The following RELN variants were observed in gnomAD, a reference collection of about 807,000 sequenced individuals.
RELN encodes reelin.
RELN carries 108 observed loss-of-function variants against 427.6 expected under a neutral mutation model. The observed-to-expected ratio is 0.25, with a 90% confidence interval of 0.22 to 0.30. The LOEUF (loss-of-function observed/expected upper bound fraction) is 0.30. Ranked by LOEUF, RELN falls within the 10% of genes least tolerant of loss-of-function variation. The pLI is 1.00. For missense variants in RELN, 3,715 were observed against 4,302.8 expected, an observed-to-expected ratio of 0.86 and a Z score of 3.82; for synonymous variants, 1,524 against 1,513.4, an observed-to-expected ratio of 1.01 and a Z score of -0.16.
At chr7:103,685,201 T>A (rs758038855) in intron 10 of RELN, among the ~76,000 whole-genome samples, 2 of 152,162 alleles carry the variant, frequency 1.3e-5, no homozygotes, top group Non-Finnish European at 2.9e-5. Flanking sequence ...GAAACATTCA[T>A]TGAAAGTATG....
At chr7:103,729,768 T>C (rs1256360992) in intron 6 of RELN, among the ~76,000 whole-genome samples, 1 of 152,126 alleles carries the variant, frequency 6.6e-6, no homozygotes, top group East Asian at 1.9e-4. Flanking sequence ...ACTTCATAAA[T>C]ATAACCATTT....
rs1830676219 is a variant in RELN at position 103,563,136 on chromosome 7, CAAT to C, written c.5211-1186_5211-1184del. Among the ~76,000 whole-genome samples, 1 of 152,182 alleles carries C rather than the reference CAAT, an allele frequency of 6.6e-6. No homozygotes were observed. The highest frequency in any genetic ancestry group is 1.5e-5 in the Non-Finnish European group (1 of 68,030). ...AGTTAGGTAGTACCCTCCTGTGTTT[CAAT>C]AATATCTCTGAGTACTTCCTCTGGT... On this transcript the variant is annotated intron_variant, in intron 34 of 64. Coordinates refer to ENST00000428762, the MANE Select transcript of RELN (RefSeq NM_005045.4). The surrounding 1 kb of genome is among the most constrained non-coding windows in gnomAD (Gnocchi z 4.1).
At chr7:103,580,867 T>C (rs929994703) in intron 28 of RELN, among the ~76,000 whole-genome samples, 5 of 152,170 alleles carry the variant, frequency 3.3e-5, no homozygotes, top group Non-Finnish European at 2.9e-5. Context: ...CATTGTATCG[T>C]TGTAGCAATG....
At chr7:103,830,650 T>C (rs148691832) in intron 3 of RELN, among the ~76,000 whole-genome samples, 19 of 152,146 alleles carry the variant, frequency 1.2e-4, no homozygotes, top group African/African-American at 4.1e-4. Context: ...TAATAAATAT[T>C]ACCGTAAAGA....
In RELN at chr7:103,749,235, A is replaced by G. The variant is rs996175227; in HGVS notation, c.656+191T>C. On this transcript the variant is annotated intron_variant, in intron 6 of 64. Coordinates refer to ENST00000428762, the MANE Select transcript of RELN (RefSeq NM_005045.4). The stretch of plus-strand genomic sequence containing the variant: ...ATGGCTTTGAGGAGAACCTGGATTC[A>G]GTTCTTAAAGAAGTCAAGTAATAGA... Among the ~76,000 whole-genome samples the G allele has an allele frequency of 3.1e-4, 47 of 152,210 alleles. 1 individual carries two copies. The highest frequency in any genetic ancestry group is 1.9e-4 in the East Asian group (1 of 5,206).
At chr7:103,556,874 AG>A in intron 38 of RELN, 102 bp downstream of exon 38, 1 of 931,656 alleles carries the variant, frequency 1.1e-6, no homozygotes, top group South Asian at 1.3e-5. Context: ...TGCTGTGGAC[AG>A]CTAAGCTGCT....
At chr7:103,907,792 TA>T (rs1443824500) in intron 2 of RELN, among the ~76,000 whole-genome samples, 251 of 21,050 alleles carry the variant, frequency 0.012, 1 homozygote, top group African/African-American at 0.043. Context: ...AAAAAAAACT[TA>T]TTTTTTTTTA....
chr7:103,603,559 AAC>A lies in RELN; in HGVS notation c.3147-71_3147-70del. ...GCCAATGCAATGGCCCTCTGACCTC[AAC>A]CATTTCCCATGTCTTACTTTTGCTC... On this transcript the variant is annotated intron_variant, in intron 23 of 64. Transcript: ENST00000428762. The surrounding 1 kb of genome is among the most constrained non-coding windows in gnomAD (Gnocchi z 4.3). The A allele has an allele frequency of 8.6e-7, 1 of 1,164,950 alleles. No homozygotes were observed. Among genetic ancestry groups the A allele is most frequent in the Non-Finnish European group, 1.3e-6 (1 of 771,520 alleles). 72.2% of individuals were successfully genotyped at this position (1,164,950 alleles called of 1,614,324 possible).
At chr7:103,703,184 G>A (rs1409559168) in intron 8 of RELN, among the ~76,000 whole-genome samples, 1 of 152,060 alleles carries the variant, frequency 6.6e-6, no homozygotes, top group African/African-American at 2.4e-5. Flanking sequence ...CCAAGAGAGC[G>A]CTCAGCTTTG....
At chr7:103,691,700 C>A (rs1438710532) in intron 10 of RELN, among the ~76,000 whole-genome samples, 1 of 152,054 alleles carries the variant, frequency 6.6e-6, no homozygotes, top group Non-Finnish European at 1.5e-5. Flanking sequence ...GTAGTCCCAA[C>A]TACTCAGGAG....
chr7:103,891,903 G>T (rs571421595), intron 2 of RELN, among the ~76,000 whole-genome samples: 2 of 151,916 alleles, frequency 1.3e-5, no homozygotes, highest in Admixed American at 6.6e-5. Flanking sequence ...TTCTAGACAC[G>T]CTTTCTTCAA....
At chr7:103,744,517 G>A (rs1006076733) in intron 6 of RELN, among the ~76,000 whole-genome samples, 15 of 152,068 alleles carry the variant, frequency 9.9e-5, no homozygotes, top group Admixed American at 9.8e-4. Flanking sequence ...TAGACCACTA[G>A]CAAGACTAAT....
intron 53 of RELN, among the ~76,000 whole-genome samples, chr7:103,500,294 G>A (rs1828982805): frequency 6.6e-6 from 1 of 152,114 alleles, no homozygotes; most frequent in Non-Finnish European, 1.5e-5. Context: ...TCAGAACACA[G>A]AATTTTCTAA....
rs1832665614 is a variant in RELN at position 103,640,020 on chromosome 7, G to GT, written c.2069+522dup. On this transcript the variant is annotated intron_variant, in intron 17 of 64. Transcript: ENST00000428762. This position sits in a 1 kb window ranked among gnomAD's most constrained non-coding sequence, Gnocchi z 4.1. ...TTCAGACTTTATATTCAACAGCATTGTTTTGTAAAATACTTTATAATTTAT... is the reference window on the plus strand; with the variant it reads ...TTCAGACTTTATATTCAACAGCATTGTTTTTGTAAAATACTTTATAATTTAT... 6.6e-6 allele frequency among the ~76,000 whole-genome samples: 1 copy of GT among 152,082 alleles called. No homozygotes were observed. Among genetic ancestry groups the GT allele is most frequent in the African/African-American group, 2.4e-5 (1 of 41,418 alleles).
At chr7:103,606,474 T>C (rs544137782) in intron 22 of RELN, among the ~76,000 whole-genome samples, 2 of 152,288 alleles carry the variant, frequency 1.3e-5, no homozygotes, top group Admixed American at 1.3e-4. Context: ...GGGCTTGTAG[T>C]TCCTCACCTC....
intron 8 of RELN, among the ~76,000 whole-genome samples, chr7:103,702,762 C>T (rs950045452): frequency 5.9e-5 from 9 of 152,300 alleles, no homozygotes; most frequent in African/African-American, 2.2e-4. Context: ...CTCACTGGCT[C>T]TTGCCAGATC....
At chr7:103,556,493 C>T (rs1308158010) in intron 38 of RELN, among the ~76,000 whole-genome samples, 1 of 151,966 alleles carries the variant, frequency 6.6e-6, no homozygotes, top group East Asian at 1.9e-4. Context: ...CGGTTTGGCT[C>T]TGTGTCCCCA....
chr7:103,757,567 G>A (rs1011669282), intron 4 of RELN, among the ~76,000 whole-genome samples: 1 of 152,136 alleles, frequency 6.6e-6, no homozygotes, highest in African/African-American at 2.4e-5. Flanking sequence ...CTGAGAATGA[G>A]AAAAAACAGA....
chr7:103,645,448 C>G (rs2117374208), intron 16 of RELN, among the ~76,000 whole-genome samples: 1 of 151,668 alleles, frequency 6.6e-6, no homozygotes, highest in East Asian at 1.9e-4. Flanking sequence ...ATATTCCAAA[C>G]AAACAGAAAC....
Sources: gnomAD v4.1 joint callset for allele counts (sites outside exome capture counted in the v4.1 genomes callset) on GRCh38, gnomAD v4.1.1 for gene constraint, Gnocchi (gnomAD v3.1) non-coding constraint, MANE v1.5 for transcripts, NCBI Gene and HGNC (gene_info 2026-07-23, HGNC 2026-07-21) for gene names.